LPIN2: variants seen among roughly 807,000 people sequenced by gnomAD.
LPIN2 encodes phosphatidate phosphatase LPIN2.
LPIN2 carries 55 observed loss-of-function variants against 111.4 expected under a neutral mutation model. That is an observed-to-expected ratio of 0.49 (90% CI 0.40 to 0.62). The LOEUF (loss-of-function observed/expected upper bound fraction) is 0.62, where lower values mean the gene tolerates loss of function less well. LPIN2 is among the 20% of genes least tolerant of loss of function. The pLI, the probability that LPIN2 is intolerant of heterozygous loss-of-function variation, is 0.00. For synonymous variants in LPIN2, 425 were observed against 414.0 expected, an observed-to-expected ratio of 1.03 and a Z score of -0.32; for missense variants, 992 against 1,112.1, an observed-to-expected ratio of 0.89 and a Z score of 1.54.
chr18:2,973,471 C>CTTA (rs776192453), intron 1 of LPIN2, among the ~76,000 whole-genome samples: 2 of 152,192 alleles, frequency 1.3e-5, no homozygotes, highest in Non-Finnish European at 2.9e-5. Flanking sequence ...GCTTCTTTAG[C>CTTA]TTAGCACAGT....
intron 1 of LPIN2, among the ~76,000 whole-genome samples, chr18:2,986,600 T>A (rs2078190457): frequency 6.6e-6 from 1 of 150,908 alleles, no homozygotes; most frequent in Admixed American, 6.6e-5. Flanking sequence ...TCTTCCAAGT[T>A]CAAAGGTTAA....
At chr18:2,986,424 T>C (rs191780394) in intron 1 of LPIN2, among the ~76,000 whole-genome samples, 216 of 150,676 alleles carry the variant, frequency 1.4e-3, no homozygotes, top group Middle Eastern at 6.3e-3. Flanking sequence ...AGGGAGGGTC[T>C]CCTGAGGTCA....
At chr18:2,970,898 C>G (rs966949429) in intron 1 of LPIN2, among the ~76,000 whole-genome samples, 1 of 152,182 alleles carries the variant, frequency 6.6e-6, no homozygotes, top group East Asian at 1.9e-4. Context: ...ACTGAGTTCA[C>G]TTCACTATGA....
Position 2,928,745 on chromosome 18 carries a change from G to A in LPIN2, c.1551-85C>T, listed in dbSNP as rs1568521532. 7.1e-6 allele frequency: 7 copies of A among 982,536 alleles called. No individual in the cohort carries two copies. The South Asian group carries it at 8.0e-5, about 11-fold the overall frequency. 60.9% of individuals were successfully genotyped at this position (982,536 alleles called of 1,614,324 possible). A position where few individuals can be genotyped will look rare whatever the true frequency, so the allele number is the denominator to read the frequency against. ...GAGGGAATCAGGGAGGGAGGGAGGA[G>A]GGAAGTGACATATAAAATTGCTTAT... On this transcript the variant is annotated intron_variant, in intron 10 of 19. Coordinates refer to ENST00000677752, the MANE Select transcript of LPIN2 (RefSeq NM_001375808.2).
intron 8 of LPIN2, among the ~76,000 whole-genome samples, chr18:2,932,650 C>A (rs959755738): frequency 6.6e-6 from 1 of 152,208 alleles, no homozygotes; most frequent in Non-Finnish European, 1.5e-5. Flanking sequence ...GGGCACACGG[C>A]GAGGCCCCCT....
intron 9 of LPIN2, among the ~76,000 whole-genome samples, chr18:2,929,777 C>T (rs1000043907): frequency 6.6e-6 from 1 of 151,994 alleles, no homozygotes; most frequent in Non-Finnish European, 1.5e-5. Flanking sequence ...ATGGTGGTGC[C>T]AACCTGTAAT....
At chr18:2,964,332 A>G (rs553732995) in intron 1 of LPIN2, among the ~76,000 whole-genome samples, 13 of 151,412 alleles carry the variant, frequency 8.6e-5, no homozygotes, top group African/African-American at 1.9e-4. Flanking sequence ...AAGTTAAGTA[A>G]TATCTATGAC....
chr18:2,934,402 T>C lies in LPIN2; in HGVS notation c.1217A>G (p.Asp406Gly). The change falls in exon 8 of 20, where the codon GAT (aspartate) becomes GGT (glycine). Residue 406 changes from aspartate to glycine, a missense_variant. Asp to Gly is a moderately conservative substitution (Grantham distance 94, BLOSUM62 -1). Around this residue, in one of 4 missense-constraint regions of LPIN2, gnomAD observed 709 missense variants for 753.2 expected, o/e 0.94. Coordinates refer to ENST00000677752, the MANE Select transcript of LPIN2 (RefSeq NM_001375808.2). Reference sequence around the variant, plus strand: ...TTCAGGTTCTAGACCCTTTAAGTCATCAAGGTAAATATCATCAGGTCCCTG... The same window carrying C: ...TTCAGGTTCTAGACCCTTTAAGTCACCAAGGTAAATATCATCAGGTCCCTG... Reference protein sequence around the residue: ...QHQGPDDIYLDDLKGLEPEVA... With the variant: ...QHQGPDDIYLGDLKGLEPEVA... 1 of 1,613,940 alleles carries C rather than the reference T, an allele frequency of 6.2e-7. No individual in the cohort carries two copies. Among genetic ancestry groups the C allele is most frequent in the Non-Finnish European group, 8.5e-7 (1 of 1,179,906 alleles).
At chr18:2,991,036 C>G (rs2078257582) in intron 1 of LPIN2, 2 of 568,754 alleles carry the variant, frequency 3.5e-6, no homozygotes, top group Non-Finnish European at 6.9e-6. Flanking sequence ...TCTTGCTTGT[C>G]CCATGATGGT....
intron 2 of LPIN2, among the ~76,000 whole-genome samples, chr18:2,959,838 C>A (rs1451627540): frequency 6.6e-6 from 1 of 151,824 alleles, no homozygotes; most frequent in Non-Finnish European, 1.5e-5. Context: ...TCAAAACAAA[C>A]AAAATGTGGC....
chr18:2,971,929 C>T lies in LPIN2; in HGVS notation c.-9-11080G>A, dbSNP rs143395785. 3.7e-3 allele frequency among the ~76,000 whole-genome samples: 558 copies of T among 152,114 alleles called. 4 individuals are homozygous for T. The highest frequency in any genetic ancestry group is 0.013 in the African/African-American group (526 of 41,490). On this transcript the variant is annotated intron_variant, in intron 1 of 19. Coordinates refer to ENST00000677752, the MANE Select transcript of LPIN2 (RefSeq NM_001375808.2). ...AGGCATGGTGGTGGGCACCTGTAATCCCAGCTACTCAGGAGGCCGAGACAC... is the reference window on the plus strand; with the variant it reads ...AGGCATGGTGGTGGGCACCTGTAATTCCAGCTACTCAGGAGGCCGAGACAC...
intron 16 of LPIN2, among the ~76,000 whole-genome samples, chr18:2,922,936 G>A (rs1479086707): frequency 2.0e-5 from 3 of 152,152 alleles, no homozygotes; most frequent in Non-Finnish European, 2.9e-5. Flanking sequence ...TGACATATTC[G>A]TAATTTTCAT....
In LPIN2 at chr18:2,971,283, C is replaced by T. The variant is rs2077904902; in HGVS notation, c.-9-10434G>A. Reference sequence around the variant, plus strand: ...AGGAGGAAGTGGGATCAAAAAGGAACGTACATCCACAACAGATTGTGAATC... The same window carrying T: ...AGGAGGAAGTGGGATCAAAAAGGAATGTACATCCACAACAGATTGTGAATC... On this transcript the variant is annotated intron_variant, in intron 1 of 19. Coordinates refer to ENST00000677752, the MANE Select transcript of LPIN2 (RefSeq NM_001375808.2). Among the ~76,000 whole-genome samples the T allele has an allele frequency of 2.0e-5, 3 of 152,156 alleles. No individual in the cohort carries two copies. In the South Asian group the frequency reaches 6.2e-4, roughly 32 times the overall value.
chr18:2,925,166 A>C lies in LPIN2; in HGVS notation c.1938+58T>G, dbSNP rs2077111789. 1 of 1,603,596 alleles carries C rather than the reference A, an allele frequency of 6.2e-7. No individual in the cohort carries two copies. Among genetic ancestry groups the C allele is most frequent in the Non-Finnish European group, 8.5e-7 (1 of 1,171,038 alleles). ...GTGTGGACAGAAGAGGATGTGCATC[A>C]AATTAAACCATTACTAAAATAAGTC... On this transcript the variant is annotated intron_variant, in intron 14 of 19. Coordinates refer to ENST00000677752, the MANE Select transcript of LPIN2 (RefSeq NM_001375808.2). The surrounding 1 kb of genome is among the most constrained non-coding windows in gnomAD (Gnocchi z 4.1).
chr18:2,999,298 T>TA (rs1391250941), intron 1 of LPIN2, among the ~76,000 whole-genome samples: 1 of 152,248 alleles, frequency 6.6e-6, no homozygotes, highest in African/African-American at 2.4e-5. Context: ...GATGTCCTTA[T>TA]AAAAAGAGGA....
intron 4 of LPIN2, chr18:2,945,893 CAT>C (rs1212944470): frequency 1.6e-4 from 235 of 1,431,350 alleles, no homozygotes; most frequent in African/African-American, 8.3e-4. Flanking sequence ...TTTTAGTCCA[CAT>C]GTTTCTCTTT....
intron 8 of LPIN2, among the ~76,000 whole-genome samples, chr18:2,932,719 T>C (rs928350407): frequency 2.0e-5 from 3 of 152,196 alleles, no homozygotes; most frequent in Non-Finnish European, 4.4e-5. Context: ...ACGGAAGGCA[T>C]ACATGGTGCC....
chr18:3,003,703 C>T (rs2078467863), intron 1 of LPIN2, among the ~76,000 whole-genome samples: 1 of 152,194 alleles, frequency 6.6e-6, no homozygotes, highest in Non-Finnish European at 1.5e-5. Context: ...TACGTCACCT[C>T]AGGACCACTA....
chr18:3,005,733 G>A (rs548781749), intron 1 of LPIN2, among the ~76,000 whole-genome samples: 1 of 149,810 alleles, frequency 6.7e-6, no homozygotes, highest in Non-Finnish European at 1.5e-5. Flanking sequence ...CCTAATAAAC[G>A]TAACAACAAC....
Sources: allele counts gnomAD v4.1 joint callset (sites outside exome capture counted in the v4.1 genomes callset), GRCh38; gene constraint gnomAD v4.1.1; regional missense constraint gnomAD v4.1.1; non-coding constraint Gnocchi (gnomAD v3.1); transcripts MANE v1.5; gene names NCBI Gene and HGNC (gene_info 2026-07-23, HGNC 2026-07-21).